The following ADAMTS14 variants were observed in gnomAD, a reference collection of about 807,000 sequenced individuals.
The protein encoded by ADAMTS14 is ADAM metallopeptidase with thrombospondin type 1 motif 14, also known as A disintegrin and metalloproteinase with thrombospondin motifs 14.
In ADAMTS14, 100 loss-of-function variants were observed where a neutral mutation model predicts 128.6. That is an observed-to-expected ratio of 0.78 (90% CI 0.66 to 0.92). ADAMTS14 has a LOEUF of 0.92. ADAMTS14 is among the 40% of genes least tolerant of loss of function. The probability of loss-of-function intolerance (pLI) is 0.00; values close to 1 mark genes in which losing one functional copy is unlikely to be tolerated. For missense variants in ADAMTS14, 1,562 were observed against 1,658.6 expected, an observed-to-expected ratio of 0.94 and a Z score of 1.01; for synonymous variants, 665 against 653.8, an observed-to-expected ratio of 1.02 and a Z score of -0.26.
chr10:70,687,023 A>G (rs1308388242), intron 2 of ADAMTS14, among the ~76,000 whole-genome samples: 1 of 56,944 alleles, frequency 1.8e-5, no homozygotes, highest in South Asian at 6.1e-4. Context: ...GGCGCCCCTC[A>G]CCTCCCGGAC....
At chr10:70,700,716 A>G (rs1478060593) in intron 2 of ADAMTS14, among the ~76,000 whole-genome samples, 1 of 152,094 alleles carries the variant, frequency 6.6e-6, no homozygotes, top group Non-Finnish European at 1.5e-5. Flanking sequence ...ATCCTTCAGG[A>G]CCCACAGATG....
At chr10:70,707,316 T>G (rs888832222) in intron 3 of ADAMTS14, among the ~76,000 whole-genome samples, 2 of 152,148 alleles carry the variant, frequency 1.3e-5, no homozygotes, top group African/African-American at 2.4e-5. Context: ...CCTCTTCACA[T>G]CCTCAGTCCC....
intron 4 of ADAMTS14, among the ~76,000 whole-genome samples, chr10:70,720,259 G>A (rs75121302): frequency 0.015 from 2,352 of 152,340 alleles, 24 homozygotes; most frequent in Middle Eastern, 0.071. Flanking sequence ...GCATGATCAT[G>A]AGCTTGGCAG....
chr10:70,702,583 T>C, intron 3 of ADAMTS14, 115 bp downstream of exon 3: 2 of 1,354,976 alleles, frequency 1.5e-6, no homozygotes, highest in Non-Finnish European at 2.0e-6. Context: ...ATCTGTAAAA[T>C]GGGACTGGGC....
intron 5 of ADAMTS14, among the ~76,000 whole-genome samples, 168 bp from the exon 6 acceptor site, chr10:70,729,934 A>G (rs1278373187): frequency 6.6e-6 from 1 of 152,212 alleles, no homozygotes; most frequent in Non-Finnish European, 1.5e-5. Flanking sequence ...GAAAGCAGGC[A>G]GGGCTGTGTG....
chr10:70,758,202 C>A lies in ADAMTS14; in HGVS notation c.3095C>A (p.Ala1032Asp). 1 of 1,614,214 alleles carries A rather than the reference C, an allele frequency of 6.2e-7. No individual in the cohort carries two copies. Among genetic ancestry groups the A allele is most frequent in the East Asian group, 2.2e-5 (1 of 44,884 alleles). Residue 1032 changes from alanine to aspartate, a missense_variant, in exon 21 of 22, where the codon GCC becomes GAC. By Grantham distance (126) the Ala-to-Asp change is moderately radical. Transcript: ENST00000373207. The part of the protein sequence containing the change: ...GGNHQNSTVR[A>D]DVWELGTPEG... Reference sequence around the variant, plus strand: ...AATCACCAGAACTCCACGGTGAGGGCCGATGTCTGGGAACTTGGGACGCCA... The same window carrying A: ...AATCACCAGAACTCCACGGTGAGGGACGATGTCTGGGAACTTGGGACGCCA...
intron 4 of ADAMTS14, among the ~76,000 whole-genome samples, chr10:70,714,161 C>T (rs1419777260): frequency 6.6e-6 from 1 of 152,044 alleles, no homozygotes; most frequent in African/African-American, 2.4e-5. Context: ...CCGCTGCACT[C>T]CACCCTGGCC....
At chr10:70,749,756 T>C in intron 15 of ADAMTS14, 66 bp from the exon 16 acceptor site, 1 of 1,550,304 alleles carries the variant, frequency 6.5e-7, no homozygotes, top group Non-Finnish European at 8.8e-7. Context: ...TTGAATTTCA[T>C]ATTCATGGCC....
At chr10:70,751,110 C>A (rs370692755) in intron 16 of ADAMTS14, among the ~76,000 whole-genome samples, 91 of 152,310 alleles carry the variant, frequency 6.0e-4, no homozygotes, top group African/African-American at 2.1e-3. Flanking sequence ...GGGTCAGTAT[C>A]CGAACCATTC....
intron 4 of ADAMTS14, among the ~76,000 whole-genome samples, chr10:70,710,754 T>C (rs1840827919): frequency 6.6e-6 from 1 of 152,174 alleles, no homozygotes; most frequent in Admixed American, 6.5e-5. Flanking sequence ...GAGGATGAAA[T>C]GAGCGCATGG....
At chr10:70,687,336 C>T (rs1258255518) in intron 2 of ADAMTS14, among the ~76,000 whole-genome samples, 1,873 of 53,492 alleles carry the variant, frequency 0.035, 4 homozygotes, top group Admixed American at 0.065. Flanking sequence ...GGCGGGGGGC[C>T]GACCCCCCCA....
In ADAMTS14 at chr10:70,672,652, G is replaced by A. The variant is rs1839515071; in HGVS notation, c.-151G>A. 8.7e-7 allele frequency: 1 copy of A among 1,154,334 alleles called. No homozygotes were observed. 71.5% of individuals were successfully genotyped at this position (1,154,334 alleles called of 1,614,324 possible). A position where few individuals can be genotyped will look rare whatever the true frequency, so the allele number is the denominator to read the frequency against. Reference sequence around the variant, plus strand: ...CGCGCAGGGGACCCGGAGCAGGCGGGAGGGAAGCAGCTAGGCGGGGAGGCG... The same window carrying A: ...CGCGCAGGGGACCCGGAGCAGGCGGAAGGGAAGCAGCTAGGCGGGGAGGCG... On this transcript the variant is annotated 5_prime_UTR_variant, in exon 1 of 22. Transcript: ENST00000373207.
chr10:70,756,887 C>T (rs934335252), intron 19 of ADAMTS14, among the ~76,000 whole-genome samples: 2 of 152,186 alleles, frequency 1.3e-5, no homozygotes, highest in African/African-American at 4.8e-5. Context: ...AAGTATGACC[C>T]TATTCATATA....
At chr10:70,742,957 TG>T (rs1452199338) in intron 12 of ADAMTS14, among the ~76,000 whole-genome samples, 1 of 152,214 alleles carries the variant, frequency 6.6e-6, no homozygotes, top group Non-Finnish European at 1.5e-5. Flanking sequence ...TTTACAAACA[TG>T]TTAAGACGCA....
intron 16 of ADAMTS14, 63 bp downstream of exon 16, chr10:70,750,048 A>T (rs1842307225): frequency 3.8e-6 from 6 of 1,582,206 alleles, no homozygotes; most frequent in Non-Finnish European, 5.2e-6. Flanking sequence ...AGCTCGCTAC[A>T]TCTGCTGCCA....
At position 70,760,919 on chromosome 10, in the gene ADAMTS14, A is replaced by G; in HGVS notation, c.*66A>G. ...TACTGCCCCGTGACTCCCAGCTCAG[A>G]GGACACACATAGCAGGGCAGGCGCA... On this transcript the variant is annotated 3_prime_UTR_variant, in exon 22 of 22. Transcript: ENST00000373207. 6.7e-7 allele frequency: 1 copy of G among 1,497,808 alleles called. No individual in the cohort carries two copies. Among genetic ancestry groups the G allele is most frequent in the Non-Finnish European group, 8.9e-7 (1 of 1,124,084 alleles). 92.8% of individuals were successfully genotyped at this position (1,497,808 alleles called of 1,614,324 possible).
chr10:70,759,718 A>G (rs1169510286), intron 21 of ADAMTS14, among the ~76,000 whole-genome samples: 1 of 152,218 alleles, frequency 6.6e-6, no homozygotes, highest in East Asian at 1.9e-4. Context: ...TGACTGTGGC[A>G]GGATGGTCAG....
At chr10:70,728,948 T>C (rs971378067) in intron 4 of ADAMTS14, among the ~76,000 whole-genome samples, 1 of 152,168 alleles carries the variant, frequency 6.6e-6, no homozygotes, top group Non-Finnish European at 1.5e-5. Flanking sequence ...CTGAGCCAGG[T>C]GACCTGTCTG....
intron 4 of ADAMTS14, among the ~76,000 whole-genome samples, chr10:70,719,893 C>T (rs6480462): frequency 0.19 from 29,422 of 152,218 alleles, 3,543 homozygotes; most frequent in East Asian, 0.54. Context: ...TGAGACGTGG[C>T]AGAGCTCGAC....
Sources: gnomAD v4.1 joint callset for allele counts (sites outside exome capture counted in the v4.1 genomes callset) on GRCh38, gnomAD v4.1.1 for gene constraint, MANE v1.5 for transcripts, NCBI Gene and HGNC (gene_info 2026-07-23, HGNC 2026-07-21) for gene names.